CDK12: variants seen among roughly 807,000 people sequenced by gnomAD.
The protein encoded by CDK12 is cyclin-dependent kinase 12.
In CDK12, 17 loss-of-function variants were observed where a neutral mutation model predicts 133.8. The ratio of observed to expected loss-of-function variants is 0.13; its 90% CI spans 0.09 to 0.19. The LOEUF (loss-of-function observed/expected upper bound fraction) is 0.19. Ranked by LOEUF, CDK12 falls within the 10% of genes least tolerant of loss-of-function variation. The pLI, the probability that CDK12 is intolerant of heterozygous loss-of-function variation, is 1.00. For missense variants in CDK12, 1,508 were observed against 1,818.7 expected, an observed-to-expected ratio of 0.83 and a Z score of 3.11; for synonymous variants, 694 against 683.6, an observed-to-expected ratio of 1.02 and a Z score of -0.24.
At chr17:39,478,659 T>C (rs1025951552) in intron 2 of CDK12, among the ~76,000 whole-genome samples, 10 of 152,128 alleles carry the variant, frequency 6.6e-5, no homozygotes, top group African/African-American at 2.4e-4. Context: ...AGCCAGACCC[T>C]GTTTCTACCA....
At chr17:39,491,159 ATCT>A (rs777285735) in intron 3 of CDK12, among the ~76,000 whole-genome samples, 1 of 152,122 alleles carries the variant, frequency 6.6e-6, no homozygotes, top group Non-Finnish European at 1.5e-5. Context: ...TATGGGTCTA[ATCT>A]TCTGATTGTT....
chr17:39,494,708 A>G lies in CDK12; in HGVS notation c.2419+14A>G. ...AGAAGGACAAAGGTACTAGCAAAGA[A>G]TCACATTTTTACAGGGTAGACTGGT... On this transcript the variant is annotated intron_variant, in intron 5 of 13. Coordinates refer to ENST00000447079, the MANE Select transcript of CDK12 (RefSeq NM_016507.4). The G allele has an allele frequency of 1.3e-6, 2 of 1,546,846 alleles. No individual in the cohort carries two copies. The highest frequency in any genetic ancestry group is 8.8e-7 in the Non-Finnish European group (1 of 1,141,162).
chr17:39,491,035 A>C (rs191408045), intron 3 of CDK12, among the ~76,000 whole-genome samples: 57 of 152,246 alleles, frequency 3.7e-4, no homozygotes, highest in Admixed American at 1.3e-3. Context: ...GGAAGAATAA[A>C]AGCTTTTTAA....
At chr17:39,520,588 A>C (rs2054100885) in intron 11 of CDK12, among the ~76,000 whole-genome samples, 1 of 151,928 alleles carries the variant, frequency 6.6e-6, no homozygotes, top group Admixed American at 6.6e-5. Flanking sequence ...ACGGGGTTAC[A>C]CCTTGCTGGC....
At chr17:39,507,240 C>T (rs2053192945) in intron 6 of CDK12, among the ~76,000 whole-genome samples, 1 of 151,378 alleles carries the variant, frequency 6.6e-6, no homozygotes, top group South Asian at 2.1e-4. Context: ...TTCCACACTT[C>T]ATACTGAGTC....
chr17:39,552,863 G>A (rs1022688293), intron 2 of CDK12, among the ~76,000 whole-genome samples: 2 of 152,030 alleles, frequency 1.3e-5, no homozygotes, highest in African/African-American at 2.4e-5. Context: ...CAAGTACCTG[G>A]GATTATAGGT....
rs562232355 is a variant in CDK12, at chr17:39,507,187, C to T, written c.2610-2518C>T. 4.6e-5 allele frequency among the ~76,000 whole-genome samples: 7 copies of T among 151,910 alleles called. No homozygotes were observed. The East Asian group carries it at 1.2e-3, about 26-fold the overall frequency. ...TTGGGACTACAGGCGTGAGCCACTG[C>T]GCCCGGCCTGTTCTATTTTATATTG... On this transcript the variant is annotated intron_variant, in intron 6 of 13. Transcript: ENST00000447079.
chr17:39,468,080 G>T (rs1190200388), intron 1 of CDK12, among the ~76,000 whole-genome samples: 1 of 150,204 alleles, frequency 6.7e-6, no homozygotes, highest in Non-Finnish European at 1.5e-5. Context: ...ATTTTTAGTA[G>T]AGCTGGGATT....
rs1451288085 is a variant in CDK12, at chr17:39,471,224, T to G, written c.1392T>G (p.Asn464Lys). Residue 464 changes from asparagine to lysine, a missense_variant, in exon 2 of 14, where the codon AAT becomes AAG. This residue lies in a region of CDK12 where 347 missense variants were observed against 330.8 expected (regional missense o/e 1.05). Transcript: ENST00000447079. ...EKSAPDTELV[N>K]VTHLNTEVKN... ...CTGCCCCAGATACTGAACTGGTGAATGTAACACATCTAAACACAGAGGTAA... is the reference window on the plus strand; with the variant it reads ...CTGCCCCAGATACTGAACTGGTGAAGGTAACACATCTAAACACAGAGGTAA... 1 of 1,601,304 alleles carries G rather than the reference T, an allele frequency of 6.2e-7. No homozygotes were observed. Among genetic ancestry groups the G allele is most frequent in the African/African-American group, 1.4e-5 (1 of 73,848 alleles).
intron 2 of CDK12, among the ~76,000 whole-genome samples, chr17:39,482,158 G>A (rs565466871): frequency 1.6e-4 from 24 of 151,394 alleles, no homozygotes; most frequent in Non-Finnish European, 3.2e-4. Flanking sequence ...GATTACAGGC[G>A]TGTGCCACCA....
At chr17:39,479,709 C>G (rs907507470) in intron 2 of CDK12, among the ~76,000 whole-genome samples, 1 of 151,614 alleles carries the variant, frequency 6.6e-6, no homozygotes, top group African/African-American at 2.4e-5. Context: ...TCACTGTAAT[C>G]TCCGCCTCTC....
At chr17:39,526,948 GA>G (rs954832444) in intron 13 of CDK12, among the ~76,000 whole-genome samples, 1 of 151,726 alleles carries the variant, frequency 6.6e-6, no homozygotes, top group East Asian at 1.9e-4. Flanking sequence ...GTATTATAAA[GA>G]AAAAAAAGGA....
chr17:39,554,662 C>T (rs948415489), intron 2 of CDK12, among the ~76,000 whole-genome samples: 8 of 152,048 alleles, frequency 5.3e-5, no homozygotes, highest in African/African-American at 9.7e-5. Flanking sequence ...GGGTGGATCA[C>T]GAGGTCAGGA....
At chr17:39,482,688 C>T (rs1437304162) in intron 2 of CDK12, among the ~76,000 whole-genome samples, 2 of 141,480 alleles carry the variant, frequency 1.4e-5, no homozygotes, top group Non-Finnish European at 3.0e-5. Flanking sequence ...CTGCAACCTA[C>T]GCCTCCCAGG....
chr17:39,537,116 A>G (rs1432041837), downstream of CDK12, among the ~76,000 whole-genome samples: 1 of 152,174 alleles, frequency 6.6e-6, no homozygotes, highest in Admixed American at 6.5e-5. Flanking sequence ...AGTAAAGAAC[A>G]AAGTCTGAGT....
chr17:39,527,001 G>C (rs77629535), intron 13 of CDK12, among the ~76,000 whole-genome samples: 1 of 152,182 alleles, frequency 6.6e-6, no homozygotes, highest in Admixed American at 6.5e-5. Flanking sequence ...TGACCATAGC[G>C]TGCAATTTAT....
rs71147345 is a variant in CDK12 at position 39,482,599 on chromosome 17, A to ATTTTTTTTT, written c.1932-7945_1932-7937dup. 6.7e-3 allele frequency among the ~76,000 whole-genome samples: 501 copies of ATTTTTTTTT among 74,368 alleles called. 88 individuals carry two copies. The highest frequency in any genetic ancestry group is 0.014 in the African/African-American group (331 of 23,448). The allele number at this position is 74,368 out of a possible 152,430, so 48.8% of individuals were successfully genotyped here. Reference sequence around the variant, plus strand: ...GCTGCCAAAGTGAACAATCAACTACATTTTTTTTTTTTTTTTTTTTTGAGG... The same window carrying ATTTTTTTTT: ...GCTGCCAAAGTGAACAATCAACTACATTTTTTTTTTTTTTTTTTTTTTTTTTTTTTGAGG... On this transcript the variant is annotated intron_variant, in intron 2 of 13. Coordinates refer to ENST00000447079, the MANE Select transcript of CDK12 (RefSeq NM_016507.4).
In CDK12 at chr17:39,534,482, T is replaced by C; in HGVS notation, c.*3166T>C. On this transcript the variant is annotated 3_prime_UTR_variant, in exon 14 of 14. Transcript: ENST00000447079. ...GATATTTTGTAATATATTAAATTTT[T>C]TTCTTTCAGTTTATAAAAATGGAAA... 4.3e-6 allele frequency: 1 copy of C among 232,554 alleles called. No homozygotes were observed. Among genetic ancestry groups the C allele is most frequent in the Non-Finnish European group, 8.5e-6 (1 of 117,620 alleles). The allele number at this position is 232,554 out of a possible 1,614,324, so 14.4% of individuals were successfully genotyped here. A position where few individuals can be genotyped will look rare whatever the true frequency, so the allele number is the denominator to read the frequency against.
chr17:39,472,343 A>G (rs1597936309), intron 2 of CDK12, among the ~76,000 whole-genome samples: 1 of 152,036 alleles, frequency 6.6e-6, no homozygotes, highest in African/African-American at 2.4e-5. Flanking sequence ...TTTTCCCTTA[A>G]ATTTTTGTTG....
Sources: allele counts gnomAD v4.1 joint callset (sites outside exome capture counted in the v4.1 genomes callset), GRCh38; gene constraint gnomAD v4.1.1; regional missense constraint gnomAD v4.1.1; transcripts MANE v1.5; gene names NCBI Gene and HGNC (gene_info 2026-07-23, HGNC 2026-07-21).